The following NAV2 variants were observed in gnomAD, a reference collection of about 807,000 sequenced individuals.
NAV2 encodes neuron navigator 2.
Under a neutral mutation model 223.2 loss-of-function variants are expected in NAV2, and 54 were observed. That is an observed-to-expected ratio of 0.24 (90% CI 0.19 to 0.30). The LOEUF is 0.30. Ranked by LOEUF, NAV2 falls within the 10% of genes least tolerant of loss-of-function variation. The probability of loss-of-function intolerance (pLI) is 1.00; values close to 1 mark genes in which losing one functional copy is unlikely to be tolerated. For missense variants in NAV2, 2,806 were observed against 3,147.5 expected (o/e 0.89, Z 2.60); for synonymous variants, 1,279 against 1,239.3 (o/e 1.03, Z -0.67).
At chr11:19,655,014 G>A (rs1258447985) in intron 1 of NAV2, among the ~76,000 whole-genome samples, 1 of 152,128 alleles carries the variant, frequency 6.6e-6, no homozygotes, top group Non-Finnish European at 1.5e-5. Context: ...CTAATATCCA[G>A]AATCTACAAT....
chr11:19,939,586 T>C (rs2046225392), intron 7 of NAV2, 75 bp from the exon 8 acceptor site: 2 of 1,116,208 alleles, frequency 1.8e-6, no homozygotes, highest in Non-Finnish European at 2.7e-6. Flanking sequence ...GTGAGGGCTG[T>C]GGTTAGACCA....
At chr11:19,894,052 T>C (rs1353426464) in intron 6 of NAV2, among the ~76,000 whole-genome samples, 9 of 152,232 alleles carry the variant, frequency 5.9e-5, no homozygotes, top group Non-Finnish European at 1.0e-4. Flanking sequence ...TGTGTGTATA[T>C]ATATATGTAA....
chr11:19,459,461 A>C (rs1564953115), intron 1 of NAV2, among the ~76,000 whole-genome samples: 1 of 152,178 alleles, frequency 6.6e-6, no homozygotes, highest in Non-Finnish European at 1.5e-5. Context: ...TACCTAACCC[A>C]ATCACTGTGG....
intron 1 of NAV2, among the ~76,000 whole-genome samples, chr11:19,484,256 G>A (rs1426185833): frequency 6.6e-6 from 1 of 152,084 alleles, no homozygotes; most frequent in East Asian, 1.9e-4. Context: ...ATCTTGAGAG[G>A]TTGGAAGGTA....
chr11:19,797,809 G>A (rs1307103554), intron 1 of NAV2, among the ~76,000 whole-genome samples: 1 of 152,068 alleles, frequency 6.6e-6, no homozygotes. Flanking sequence ...TGTACAGGAG[G>A]GATAACAGTG....
intron 29 of NAV2, among the ~76,000 whole-genome samples, chr11:20,095,400 G>A (rs2061176745): frequency 6.6e-6 from 1 of 152,138 alleles, no homozygotes; most frequent in Non-Finnish European, 1.5e-5. Flanking sequence ...TGTGATTTAT[G>A]CCCTGTCTGA....
At chr11:19,908,069 T>C (rs2043017174) in intron 6 of NAV2, among the ~76,000 whole-genome samples, 1 of 152,216 alleles carries the variant, frequency 6.6e-6, no homozygotes, top group African/African-American at 2.4e-5. Flanking sequence ...CTTATGATCT[T>C]GGCAACCGGA....
chr11:20,065,718 C>T (rs574012241), intron 20 of NAV2, among the ~76,000 whole-genome samples: 1 of 152,300 alleles, frequency 6.6e-6, no homozygotes, highest in South Asian at 2.1e-4. Context: ...GTGGCAGAGG[C>T]ATGGGGAAGG....
At chr11:19,698,512 A>G (rs1468193851) in intron 1 of NAV2, among the ~76,000 whole-genome samples, 1 of 152,220 alleles carries the variant, frequency 6.6e-6, no homozygotes, top group East Asian at 1.9e-4. Context: ...GAAGAGCACA[A>G]CCAGGAGCAG....
chr11:19,735,283 C>A (rs1204837497), intron 1 of NAV2, among the ~76,000 whole-genome samples: 2 of 152,144 alleles, frequency 1.3e-5, no homozygotes, highest in East Asian at 1.9e-4. Flanking sequence ...AGCACGGGCC[C>A]CTGCTCACGC....
intron 1 of NAV2, among the ~76,000 whole-genome samples, chr11:19,813,771 T>C (rs1196929954): frequency 1.3e-5 from 2 of 152,174 alleles, no homozygotes; most frequent in Non-Finnish European, 2.9e-5. Flanking sequence ...GCGCTGCTGC[T>C]GTGGGTTGAG....
In NAV2 at chr11:20,023,661, T is replaced by C. The variant is rs115743584; in HGVS notation, c.2769-12298T>C. Reference sequence around the variant, plus strand: ...GGTTTTGTTTGGAATTTAAGGATCCTGGTGAACTTGTGGTTGTGTTTATAC... The same window carrying C: ...GGTTTTGTTTGGAATTTAAGGATCCCGGTGAACTTGTGGTTGTGTTTATAC... On this transcript the variant is annotated intron_variant, in intron 11 of 37. Coordinates refer to ENST00000349880, the MANE Select transcript of NAV2 (RefSeq NM_145117.5). Among the ~76,000 whole-genome samples the C allele has an allele frequency of 8.5e-3, 1,284 of 150,976 alleles. 20 individuals carry two copies. The highest frequency in any genetic ancestry group is 0.03 in the African/African-American group (1,228 of 41,080).
At chr11:20,110,301 C>T (rs1191069898) in intron 36 of NAV2, among the ~76,000 whole-genome samples, 4 of 152,212 alleles carry the variant, frequency 2.6e-5, no homozygotes, top group East Asian at 3.9e-4. Flanking sequence ...CTTGTGACCT[C>T]GCCATCCTGA....
intron 1 of NAV2, among the ~76,000 whole-genome samples, chr11:19,665,057 T>C (rs1190145126): frequency 6.6e-6 from 1 of 152,166 alleles, no homozygotes; most frequent in African/African-American, 2.4e-5. Context: ...ATCACTTATG[T>C]CGCATTTCCT....
chr11:19,461,738 T>C (rs760291303), intron 1 of NAV2, among the ~76,000 whole-genome samples: 2 of 152,162 alleles, frequency 1.3e-5, no homozygotes, highest in Non-Finnish European at 2.9e-5. Context: ...CAAAATTACA[T>C]GGAACAAAAT....
chr11:19,368,240 C>T (rs965031627), intron 1 of NAV2, among the ~76,000 whole-genome samples: 8 of 152,140 alleles, frequency 5.3e-5, no homozygotes, highest in Non-Finnish European at 8.8e-5. Flanking sequence ...TTTCCTCTCC[C>T]GAGGCAAGGA....
intron 1 of NAV2, among the ~76,000 whole-genome samples, chr11:19,675,640 G>A (rs1197889986): frequency 6.6e-6 from 1 of 152,180 alleles, no homozygotes; most frequent in East Asian, 1.9e-4. Flanking sequence ...GTGGTAGGAA[G>A]CTTCCTTCTA....
intron 20 of NAV2, among the ~76,000 whole-genome samples, chr11:20,066,583 G>C (rs1377463387): frequency 6.6e-6 from 1 of 152,172 alleles, no homozygotes; most frequent in Non-Finnish European, 1.5e-5. Context: ...GATCAGGAGG[G>C]AGGACAATGG....
chr11:19,676,875 G>C (rs2048727967), intron 1 of NAV2, among the ~76,000 whole-genome samples: 1 of 152,172 alleles, frequency 6.6e-6, no homozygotes. Context: ...AGTAGCATTT[G>C]GTTGGGTCTG....
Sources: gnomAD v4.1 joint callset for allele counts (sites outside exome capture counted in the v4.1 genomes callset) on GRCh38, gnomAD v4.1.1 for gene constraint, MANE v1.5 for transcripts, NCBI Gene and HGNC (gene_info 2026-07-23, HGNC 2026-07-21) for gene names.